The following ABCA12 variants were observed in gnomAD, a reference collection of about 807,000 sequenced individuals.
ABCA12 encodes the protein ATP binding cassette subfamily A member 12, also known as glucosylceramide transporter ABCA12.
Under a neutral mutation model 293.5 loss-of-function variants are expected in ABCA12, and 156 were observed. The ratio of observed to expected loss-of-function variants is 0.53; its 90% confidence interval spans 0.47 to 0.61. The LOEUF (loss-of-function observed/expected upper bound fraction) is 0.61, where lower values mean the gene tolerates loss of function less well. ABCA12 is among the 20% of genes least tolerant of loss of function. The pLI is 0.00. For missense variants in ABCA12, 2,797 were observed against 3,090.2 expected (o/e 0.91, Z 2.25); for synonymous variants, 1,063 against 1,108.0 (o/e 0.96, Z 0.81).
In ABCA12 at chr2:214,995,847, A is replaced by G. The variant is rs116556261; in HGVS notation, c.3294+1848T>C. Among the ~76,000 whole-genome samples the G allele has an allele frequency of 3.6e-3, 550 of 152,274 alleles. 2 individuals are homozygous for G. Among genetic ancestry groups the G allele is most frequent in the African/African-American group, 0.012 (515 of 41,564 alleles). On this transcript the variant is annotated intron_variant, in intron 23 of 52. Coordinates refer to ENST00000272895, the MANE Select transcript of ABCA12 (RefSeq NM_173076.3). The stretch of plus-strand genomic sequence containing the variant: ...TTTCCAAGGCTTTAAAAAGGGGGGA[A>G]AATCAATGTCTTAGAATTGATAAAA...
In ABCA12 at chr2:215,045,933, T is replaced by C. The variant is rs374932417; in HGVS notation, c.776A>G (p.Gln259Arg). ...AGACAGAAGCTGCCACACAGCTTTCTGCTCTTGCACTTGTGAGAAGAAAGA... is the reference window on the plus strand; with the variant it reads ...AGACAGAAGCTGCCACACAGCTTTCCGCTCTTGCACTTGTGAGAAGAAAGA... Reference protein sequence around the residue: ...MLSFFSQVQEQKAVWQLLSSF... With the variant: ...MLSFFSQVQERKAVWQLLSSF... Residue 259 changes from glutamine (Q) to arginine (R), a missense_variant, in exon 7 of 53, where the codon CAG (glutamine) becomes CGG (arginine). This residue lies in a region of ABCA12 where 656 missense variants were observed against 638.2 expected (regional missense o/e 1.03). Coordinates refer to ENST00000272895, the MANE Select transcript of ABCA12 (RefSeq NM_173076.3). 1.2e-6 allele frequency: 2 copies of C among 1,613,644 alleles called. No homozygotes were observed. Among genetic ancestry groups the C allele is most frequent in the African/African-American group, 1.3e-5 (1 of 74,934 alleles).
chr2:215,076,344 C>T (rs374091536), intron 2 of ABCA12, among the ~76,000 whole-genome samples: 1 of 152,100 alleles, frequency 6.6e-6, no homozygotes, highest in East Asian at 1.9e-4. Flanking sequence ...TATGTTCCCA[C>T]GTTGTACAGT....
chr2:215,105,983 T>C (rs963530689), intron 2 of ABCA12, among the ~76,000 whole-genome samples: 1 of 152,080 alleles, frequency 6.6e-6, no homozygotes, highest in Non-Finnish European at 1.5e-5. Context: ...ATGAAATTAT[T>C]TCCTGTGGGT....
Position 214,990,974 on chromosome 2 carries a change from T to C in ABCA12, c.3352A>G (p.Ser1118Gly). Residue 1118 changes from serine (S) to glycine (G), a missense_variant, in exon 24 of 53, where the codon AGT becomes GGT. Physicochemically the swap from Ser to Gly is moderately conservative, Grantham distance 56 (BLOSUM62 0). Coordinates refer to ENST00000272895, the MANE Select transcript of ABCA12 (RefSeq NM_173076.3). ...ATGGTAACCAGTAAAAATCCAACAC[T>C]CTCTATAAGCCAGGCAAAGAAATGG... ...CSHFFAWLIE[S>G]VGFLLVTIVI... 6.2e-7 allele frequency: 1 copy of C among 1,613,924 alleles called. No homozygotes were observed. Among genetic ancestry groups the C allele is most frequent in the African/African-American group, 1.3e-5 (1 of 74,976 alleles).
chr2:215,007,025 GCCA>G (rs1488500262), intron 19 of ABCA12, among the ~76,000 whole-genome samples: 1 of 151,782 alleles, frequency 6.6e-6, no homozygotes, highest in Non-Finnish European at 1.5e-5. Flanking sequence ...ACAGGCGCCC[GCCA>G]CCACATCTGG....
intron 18 of ABCA12, among the ~76,000 whole-genome samples, chr2:215,008,424 G>C (rs1323713644): frequency 1.3e-5 from 2 of 151,432 alleles, no homozygotes; most frequent in Non-Finnish European, 2.9e-5. Flanking sequence ...CAAAACATTG[G>C]AAACAAAATT....
intron 7 of ABCA12, among the ~76,000 whole-genome samples, chr2:215,042,871 G>A (rs749769687): frequency 6.6e-6 from 1 of 151,716 alleles, no homozygotes; most frequent in African/African-American, 2.4e-5. Flanking sequence ...CCAACCTCTG[G>A]TAATCATTAT....
chr2:214,955,837 C>G (rs1197521636), intron 42 of ABCA12, among the ~76,000 whole-genome samples: 1 of 152,116 alleles, frequency 6.6e-6, no homozygotes, highest in Non-Finnish European at 1.5e-5. Flanking sequence ...TAAAAAGCCT[C>G]TTTAAGAAAC....
At chr2:214,991,997 G>A (rs539284401) in intron 23 of ABCA12, among the ~76,000 whole-genome samples, 4 of 152,074 alleles carry the variant, frequency 2.6e-5, no homozygotes, top group East Asian at 1.9e-4. Context: ...AAACCTACAC[G>A]CTGTGCACAT....
At chr2:214,953,771 A>C in intron 44 of ABCA12, 83 bp downstream of exon 44, 1 of 1,524,126 alleles carries the variant, frequency 6.6e-7, no homozygotes, top group East Asian at 2.3e-5. Context: ...CCAATGGAAA[A>C]GCTTAGACTA....
At position 214,951,024 on chromosome 2, in the gene ABCA12, T is replaced by C; in HGVS notation, c.6707A>G (p.Asp2236Gly). The change falls in exon 45 of 53, where the codon GAT becomes GGT. Residue 2236 changes from aspartate to glycine, a missense_variant. Physicochemically the swap from Asp to Gly is moderately conservative, Grantham distance 94. Transcript: ENST00000272895. ...HVRETIDEDE[D>G]VRAERLRVES... ...AACTCTTAATCTCTCAGCCCGCACA[T>C]CTTCATCCTCATCTATTGTCTCCCT... 6.2e-7 allele frequency: 1 copy of C among 1,614,176 alleles called. No individual in the cohort carries two copies. The highest frequency in any genetic ancestry group is 8.5e-7 in the Non-Finnish European group (1 of 1,180,024).
chr2:215,019,371 T>G lies in ABCA12; in HGVS notation c.1622A>C (p.His541Pro), dbSNP rs768422939. The change falls in exon 13 of 53, where the codon CAT becomes CCT. Residue 541 changes from histidine to proline, a missense_variant. His to Pro is a moderately conservative substitution (Grantham distance 77). Around this residue, in one of 3 missense-constraint regions of ABCA12, gnomAD observed 656 missense variants for 638.2 expected, o/e 1.03. Coordinates refer to ENST00000272895, the MANE Select transcript of ABCA12 (RefSeq NM_173076.3). ...AGAAGCATCTGCACTGTTATTGACA[T>G]GCAGCATGGCTTCTATGATCGGTAT... ...QLIPIIEAML[H>P]VNNSADASEK... is the part of the protein sequence containing the mutation. 1.9e-6 allele frequency: 3 copies of G among 1,612,840 alleles called. No individual in the cohort carries two copies. Among genetic ancestry groups the G allele is most frequent in the Non-Finnish European group, 2.5e-6 (3 of 1,179,954 alleles).
At chr2:215,023,501 A>C (rs1303598796) in intron 11 of ABCA12, 1 of 152,186 alleles carries the variant, frequency 6.6e-6, no homozygotes, top group African/African-American at 2.4e-5. Flanking sequence ...ATGATGTTTT[A>C]AATTATTTTT....
chr2:214,955,005 G>A (rs1440885063), intron 43 of ABCA12, among the ~76,000 whole-genome samples, 197 bp downstream of exon 43: 1 of 152,180 alleles, frequency 6.6e-6, no homozygotes, highest in Non-Finnish European at 1.5e-5. Context: ...GGTGTCAATA[G>A]TTTTGACGCT....
At chr2:214,945,234 T>C (rs1461841675) in intron 48 of ABCA12, 130 bp from the exon 49 acceptor site, 8 of 726,278 alleles carry the variant, frequency 1.1e-5, no homozygotes, top group African/African-American at 1.8e-5. Context: ...ACTTGTTTTA[T>C]ACTTAATAGA....
chr2:215,072,044 A>C (rs1701748386), intron 2 of ABCA12, among the ~76,000 whole-genome samples: 1 of 152,118 alleles, frequency 6.6e-6, no homozygotes. Flanking sequence ...CATTGGCAAA[A>C]AGGTAGACTG....
Position 215,002,594 on chromosome 2 carries a change from C to A in ABCA12, c.2684-857G>T, listed in dbSNP as rs1021276427. On this transcript the variant is annotated intron_variant, in intron 20 of 52. Coordinates refer to ENST00000272895, the MANE Select transcript of ABCA12 (RefSeq NM_173076.3). ...CATCGTCCAAAATAGGACTAAATTT[C>A]TCACAGAAGACAACTTCTTAAATGC... Among the ~76,000 whole-genome samples the A allele has an allele frequency of 7.9e-5, 12 of 152,310 alleles. No individual in the cohort carries two copies. In the South Asian group the frequency reaches 8.3e-4, roughly 11 times the overall value.
At chr2:215,116,883 A>G (rs549904640) in intron 1 of ABCA12, among the ~76,000 whole-genome samples, 1 of 152,328 alleles carries the variant, frequency 6.6e-6, no homozygotes, top group African/African-American at 2.4e-5. Flanking sequence ...ATGAAAGTCA[A>G]GGAAAAATTG....
chr2:215,092,701 G>A (rs1261072225), intron 2 of ABCA12, among the ~76,000 whole-genome samples: 1 of 152,146 alleles, frequency 6.6e-6, no homozygotes, highest in East Asian at 1.9e-4. Flanking sequence ...AACTGGACAA[G>A]TCTTACAGGC....
Sources: allele counts gnomAD v4.1 joint callset (sites outside exome capture counted in the v4.1 genomes callset), GRCh38; gene constraint gnomAD v4.1.1; regional missense constraint gnomAD v4.1.1; transcripts MANE v1.5; gene names NCBI Gene and HGNC (gene_info 2026-07-23, HGNC 2026-07-21).